SPSB4: variants seen among roughly 807,000 people sequenced by gnomAD.
The protein encoded by SPSB4 is SPRY domain-containing SOCS box protein 4.
Under a neutral mutation model 20.9 loss-of-function variants are expected in SPSB4, and 21 were observed. The ratio of observed to expected loss-of-function variants is 1.01; its 90% CI spans 0.71 to 1.45. The LOEUF (loss-of-function observed/expected upper bound fraction) is 1.45. SPSB4 is among the 40% of genes most tolerant of loss of function. The probability of loss-of-function intolerance (pLI) is 0.00; values close to 1 mark genes in which losing one functional copy is unlikely to be tolerated. For synonymous variants in SPSB4, 207 were observed against 183.8 expected (o/e 1.13, Z -1.02); for missense variants, 399 against 399.2 (o/e 1.00, Z 0.00).
chr3:141,092,694 C>T (rs1938478608), intron 2 of SPSB4, among the ~76,000 whole-genome samples: 1 of 152,246 alleles, frequency 6.6e-6, no homozygotes. Context: ...GTGGGGTTTA[C>T]TGCTGCTGAG....
intron 1 of SPSB4, among the ~76,000 whole-genome samples, chr3:141,054,966 A>C (rs1937615407): frequency 0.01 from 1 of 96 alleles, no homozygotes; most frequent in Non-Finnish European, 0.045. Flanking sequence ...CTCCGTCTCA[A>C]AAAAAAAAAA....
chr3:141,083,844 C>A (rs1271113473), intron 2 of SPSB4, among the ~76,000 whole-genome samples: 3 of 152,052 alleles, frequency 2.0e-5, no homozygotes, highest in Non-Finnish European at 4.4e-5. Flanking sequence ...TCCTCACAGG[C>A]CTTTTTCTGA....
intron 1 of SPSB4, among the ~76,000 whole-genome samples, chr3:141,062,543 G>A (rs999170363): frequency 6.6e-6 from 1 of 152,100 alleles, no homozygotes; most frequent in African/African-American, 2.4e-5. Context: ...GAGAACTGCT[G>A]TAGAGGCACC....
chr3:141,122,375 C>T (rs1172482600), intron 2 of SPSB4, among the ~76,000 whole-genome samples: 1 of 152,178 alleles, frequency 6.6e-6, no homozygotes, highest in Non-Finnish European at 1.5e-5. Context: ...ACACAGGGGT[C>T]AGGGACCCAC....
intron 2 of SPSB4, among the ~76,000 whole-genome samples, chr3:141,146,190 G>T (rs1939409626): frequency 6.6e-6 from 1 of 151,888 alleles, no homozygotes; most frequent in African/African-American, 2.4e-5. Flanking sequence ...GCTTAATAAG[G>T]GGGTCTGCAA....
At chr3:141,065,179 C>T (rs986397919) in intron 1 of SPSB4, among the ~76,000 whole-genome samples, 3 of 152,214 alleles carry the variant, frequency 2.0e-5, no homozygotes, top group East Asian at 1.9e-4. Flanking sequence ...GGGATTTGGA[C>T]GCAGTTCTGT....
intron 2 of SPSB4, among the ~76,000 whole-genome samples, chr3:141,143,058 TGC>T (rs1559859096): frequency 2.0e-5 from 3 of 152,092 alleles, no homozygotes; most frequent in African/African-American, 7.2e-5. Context: ...CTTTGTGATC[TGC>T]CCACCTTGGC....
intron 1 of SPSB4, among the ~76,000 whole-genome samples, chr3:141,057,081 G>A (rs1937660629): frequency 6.6e-6 from 1 of 152,246 alleles, no homozygotes. Flanking sequence ...AGGAAAACAG[G>A]CGTGAGATGA....
At chr3:141,089,992 C>A (rs1175836298) in intron 2 of SPSB4, among the ~76,000 whole-genome samples, 1 of 151,662 alleles carries the variant, frequency 6.6e-6, no homozygotes, top group Non-Finnish European at 1.5e-5. Context: ...CACTCCCTCC[C>A]TCCCCCGTCC....
At chr3:141,136,611 G>A (rs1184309946) in intron 2 of SPSB4, among the ~76,000 whole-genome samples, 2 of 152,150 alleles carry the variant, frequency 1.3e-5, no homozygotes, top group Non-Finnish European at 2.9e-5. Context: ...TTTCCCCATG[G>A]CTTGTTTTTG....
intron 2 of SPSB4, among the ~76,000 whole-genome samples, chr3:141,081,136 G>A (rs888978148): frequency 3.0e-4 from 45 of 152,244 alleles, no homozygotes; most frequent in African/African-American, 1.1e-3. Flanking sequence ...TGCTACATCA[G>A]CTCCACATCT....
intron 2 of SPSB4, among the ~76,000 whole-genome samples, chr3:141,144,239 CATAT>C (rs775528215): frequency 1.6e-4 from 25 of 152,318 alleles, no homozygotes; most frequent in Non-Finnish European, 3.1e-4. Context: ...GTGGCAGAGT[CATAT>C]TATGGTATTA....
intron 2 of SPSB4, among the ~76,000 whole-genome samples, chr3:141,146,611 T>A (rs1939416550): frequency 6.6e-6 from 1 of 152,042 alleles, no homozygotes. Context: ...CCGTCTCTAC[T>A]AAAAATACAA....
intron 2 of SPSB4, among the ~76,000 whole-genome samples, chr3:141,119,048 G>A (rs1340923253): frequency 6.6e-6 from 1 of 152,178 alleles, no homozygotes; most frequent in Non-Finnish European, 1.5e-5. Context: ...CAGCTTGATG[G>A]GGATGGCATT....
chr3:141,061,288 A>C (rs1417604149), intron 1 of SPSB4, among the ~76,000 whole-genome samples: 1 of 152,186 alleles, frequency 6.6e-6, no homozygotes, highest in Admixed American at 6.5e-5. Flanking sequence ...ACCAAAAAAA[A>C]AGAGAGAATA....
intron 2 of SPSB4, among the ~76,000 whole-genome samples, chr3:141,099,494 AC>A (rs1441048308): frequency 6.6e-6 from 1 of 152,194 alleles, no homozygotes; most frequent in Non-Finnish European, 1.5e-5. Context: ...TACATTTACC[AC>A]CCATGTTATT....
chr3:141,115,893 C>T (rs759554211), intron 2 of SPSB4, among the ~76,000 whole-genome samples: 2 of 152,128 alleles, frequency 1.3e-5, no homozygotes, highest in Non-Finnish European at 2.9e-5. Flanking sequence ...ACTGGGCAGA[C>T]TCCATCCAAG....
chr3:141,097,844 T>C (rs1938567788), intron 2 of SPSB4, among the ~76,000 whole-genome samples: 1 of 152,110 alleles, frequency 6.6e-6, no homozygotes. Context: ...TAATTACCAA[T>C]AATAAGAAAA....
rs1431614131 is a variant in SPSB4, at chr3:141,051,853, C to G, written c.-293C>G. 1.3e-5 allele frequency: 2 copies of G among 152,040 alleles called. No individual in the cohort carries two copies. Among genetic ancestry groups the G allele is most frequent in the Non-Finnish European group, 1.5e-5 (1 of 68,058 alleles). 9.4% of individuals were successfully genotyped at this position (152,040 alleles called of 1,614,324 possible). On this transcript the variant is annotated 5_prime_UTR_variant, in exon 1 of 3. Coordinates refer to ENST00000310546, the MANE Select transcript of SPSB4 (RefSeq NM_080862.3). ...TCAGCCGTGAGGACGCGCCCCTGGCCGTGCGGAGAGAGCCGGCATTTGCGG... is the reference window on the plus strand; with the variant it reads ...TCAGCCGTGAGGACGCGCCCCTGGCGGTGCGGAGAGAGCCGGCATTTGCGG...
Sources: gnomAD v4.1 joint callset for allele counts (sites outside exome capture counted in the v4.1 genomes callset) on GRCh38, gnomAD v4.1.1 for gene constraint, MANE v1.5 for transcripts, NCBI Gene and HGNC (gene_info 2026-07-23, HGNC 2026-07-21) for gene names.